Variants in IQCH observed in about 807,000 individuals in gnomAD.
IQCH encodes IQ domain-containing protein H.
In IQCH, 98 loss-of-function variants were observed where a neutral mutation model predicts 117.0. The observed-to-expected ratio is 0.84, with a 90% CI of 0.71 to 0.99. The LOEUF (loss-of-function observed/expected upper bound fraction) is 0.99, where lower values mean the gene tolerates loss of function less well. Among genes scored for constraint, IQCH ranks in the 50% least tolerant of loss-of-function variants. The probability of loss-of-function intolerance (pLI) is 0.00; values close to 1 mark genes in which losing one functional copy is unlikely to be tolerated. For missense variants in IQCH, 1,102 were observed against 1,243.8 expected (o/e 0.89, Z 1.72); for synonymous variants, 412 against 448.2 (o/e 0.92, Z 1.02).
intron 20 of IQCH, among the ~76,000 whole-genome samples, chr15:67,498,087 C>T (rs1399711604): frequency 6.6e-6 from 1 of 152,120 alleles, no homozygotes; most frequent in Non-Finnish European, 1.5e-5. Context: ...AGAAGTCACA[C>T]TTCTCAATTT....
intron 4 of IQCH, chr15:67,281,464 T>C (rs1413509558): frequency 9.4e-6 from 3 of 318,210 alleles, no homozygotes; most frequent in Non-Finnish European, 1.9e-5. Flanking sequence ...AGGTTATGTT[T>C]ATAAATCAGG....
In IQCH at chr15:67,356,727, G is replaced by A. The variant is rs1342679131; in HGVS notation, c.638-618G>A. On this transcript the variant is annotated intron_variant, in intron 6 of 20. Transcript: ENST00000335894. This position sits in a 1 kb window ranked among gnomAD's most constrained non-coding sequence, Gnocchi z 5.3. The stretch of plus-strand genomic sequence containing the variant: ...GTCAGACTTGGGCTTTTGGTAAAGG[G>A]CAGTCAGGTTTGCTGCTAGGCAGTA... 6.6e-6 allele frequency among the ~76,000 whole-genome samples: 1 copy of A among 152,168 alleles called. No homozygotes were observed. The highest frequency in any genetic ancestry group is 6.5e-5 in the Admixed American group (1 of 15,278).
intron 7 of IQCH, among the ~76,000 whole-genome samples, chr15:67,358,207 C>CTTTTCTTTTTTTTT (rs1555462707): frequency 9.6e-5 from 1 of 10,450 alleles, no homozygotes; most frequent in Non-Finnish European, 1.7e-4. Flanking sequence ...ACTTTCTTTT[C>CTTTTCTTTTTTTTT]TTTTTTTTTT....
At chr15:67,373,157 A>G (rs1970612289) in intron 9 of IQCH, among the ~76,000 whole-genome samples, 1 of 152,160 alleles carries the variant, frequency 6.6e-6, no homozygotes, top group Admixed American at 6.6e-5. Flanking sequence ...TATTCTGTTA[A>G]TTAAGTGAGC....
In IQCH at chr15:67,457,982, A is replaced by G. The variant is rs1011212744; in HGVS notation, c.2506-7145A>G. Among the ~76,000 whole-genome samples the G allele has an allele frequency of 6.6e-6, 1 of 152,166 alleles. No individual in the cohort carries two copies. The highest frequency in any genetic ancestry group is 2.4e-5 in the African/African-American group (1 of 41,436). ...CCCTGGGGAAGGCCTCAGGTCCTAT[A>G]GACCTCACTTCTCACCAATCCAGGA... On this transcript the variant is annotated intron_variant, in intron 16 of 20. Transcript: ENST00000335894. The surrounding 1 kb of genome is among the most constrained non-coding windows in gnomAD (Gnocchi z 5.7).
chr15:67,436,001 AT>A lies in IQCH; in HGVS notation c.2505+14425del. Among the ~76,000 whole-genome samples the A allele has an allele frequency of 6.6e-6, 1 of 152,272 alleles. No homozygotes were observed. The highest frequency in any genetic ancestry group is 1.5e-5 in the Non-Finnish European group (1 of 68,024). On this transcript the variant is annotated intron_variant, in intron 16 of 20. Transcript: ENST00000335894. The surrounding 1 kb of genome is among the most constrained non-coding windows in gnomAD (Gnocchi z 5.1). ...TCAGTTTAACTTAATTTTACCTGTAATGTAAATGTTGCGGTGGAAAAGTACA... is the reference window on the plus strand; with the variant it reads ...TCAGTTTAACTTAATTTTACCTGTAAGTAAATGTTGCGGTGGAAAAGTACA...
chr15:67,434,052 A>G (rs2082075464), intron 16 of IQCH, among the ~76,000 whole-genome samples: 1 of 151,078 alleles, frequency 6.6e-6, no homozygotes, highest in Non-Finnish European at 1.5e-5. Context: ...GCTAATTAAC[A>G]TATCCATCAT....
intron 5 of IQCH, among the ~76,000 whole-genome samples, chr15:67,341,647 A>AT (rs919870428): frequency 1.3e-5 from 2 of 152,038 alleles, no homozygotes; most frequent in African/African-American, 4.8e-5. Flanking sequence ...TTAAAGGATG[A>AT]TTTTTTTTAA....
intron 14 of IQCH, among the ~76,000 whole-genome samples, chr15:67,409,584 C>T (rs1488124685): frequency 6.6e-6 from 1 of 152,108 alleles, no homozygotes; most frequent in Non-Finnish European, 1.5e-5. Context: ...ACAGACTCCT[C>T]GAGAAGCAGC....
chr15:67,400,041 C>A, intron 13 of IQCH, 73 bp from the exon 14 acceptor site: 3 of 1,214,378 alleles, frequency 2.5e-6, no homozygotes, highest in Non-Finnish European at 3.6e-6. Context: ...AGTACAGCAA[C>A]TAAGTTGTTA....
At chr15:67,323,157 A>G (rs1968221479) in intron 4 of IQCH, among the ~76,000 whole-genome samples, 1 of 151,538 alleles carries the variant, frequency 6.6e-6, no homozygotes, top group South Asian at 2.1e-4. Flanking sequence ...TCCTGCCACT[A>G]TCACAACTAT....
At position 67,255,128 on chromosome 15, in the gene IQCH, G is replaced by T. The variant is rs183900642; in HGVS notation, c.51+181G>T. 1.2e-3 allele frequency: 799 copies of T among 649,628 alleles called. 12 individuals are homozygous for T. The East Asian group carries it at 0.015, about 13-fold the overall frequency. The allele number at this position is 649,628 out of a possible 1,614,324, so 40.2% of individuals were successfully genotyped here. A position where few individuals can be genotyped will look rare whatever the true frequency, so the allele number is the denominator to read the frequency against. ...TCCCCCACGGCCCAGCACACTCCCGGTGACTTACCCTGTAGGTTACGCCCC... is the reference window on the plus strand; with the variant it reads ...TCCCCCACGGCCCAGCACACTCCCGTTGACTTACCCTGTAGGTTACGCCCC... On this transcript the variant is annotated intron_variant, in intron 1 of 20. Transcript: ENST00000335894.
intron 4 of IQCH, among the ~76,000 whole-genome samples, chr15:67,292,913 T>A (rs1178356399): frequency 6.6e-6 from 1 of 152,188 alleles, no homozygotes; most frequent in African/African-American, 2.4e-5. Flanking sequence ...TGCATCTGAT[T>A]ATTTTATTTC....
At chr15:67,469,265 C>G (rs746490062) in intron 17 of IQCH, among the ~76,000 whole-genome samples, 21 of 152,208 alleles carry the variant, frequency 1.4e-4, no homozygotes, top group Admixed American at 3.9e-4. Flanking sequence ...CTCTTCTGGC[C>G]TCAGTTTCCT....
At chr15:67,263,704 C>T (rs1965551502) in intron 3 of IQCH, among the ~76,000 whole-genome samples, 1 of 151,958 alleles carries the variant, frequency 6.6e-6, no homozygotes, top group Non-Finnish European at 1.5e-5. Flanking sequence ...ACTTTTAGAT[C>T]ACCTGGTACT....
In IQCH at chr15:67,432,542, G is replaced by T. The variant is rs1325944234; in HGVS notation, c.2505+10965G>T. On this transcript the variant is annotated intron_variant, in intron 16 of 20. Transcript: ENST00000335894. This position sits in a 1 kb window ranked among gnomAD's most constrained non-coding sequence, Gnocchi z 5.0. The stretch of plus-strand genomic sequence containing the variant: ...TCTTCCTCACAGTATGTTCTGAGAG[G>T]CTAAGCAGATATAAGGTGATGTTCT... Among the ~76,000 whole-genome samples, 1 of 152,098 alleles carries T rather than the reference G, an allele frequency of 6.6e-6. No homozygotes were observed. The highest frequency in any genetic ancestry group is 2.4e-5 in the African/African-American group (1 of 41,410).
Position 67,385,081 on chromosome 15 carries a change from A to T in IQCH, c.1456+62A>T. The T allele has an allele frequency of 9.6e-7, 1 of 1,042,116 alleles. No homozygotes were observed. The highest frequency in any genetic ancestry group is 1.5e-6 in the Non-Finnish European group (1 of 677,432). The allele number at this position is 1,042,116 out of a possible 1,614,324, so 64.6% of individuals were successfully genotyped here. Reference sequence around the variant, plus strand: ...ATGTTTATCAGTGGATGTTGATAGAATGTGTTGTTTTGTTTGTTTGTTTTT... The same window carrying T: ...ATGTTTATCAGTGGATGTTGATAGATTGTGTTGTTTTGTTTGTTTGTTTTT... On this transcript the variant is annotated intron_variant, in intron 11 of 20. Coordinates refer to ENST00000335894, the MANE Select transcript of IQCH (RefSeq NM_001031715.3). The surrounding 1 kb of genome is among the most constrained non-coding windows in gnomAD (Gnocchi z 4.6).
At chr15:67,298,342 A>T (rs1966873421) in intron 4 of IQCH, among the ~76,000 whole-genome samples, 1 of 151,568 alleles carries the variant, frequency 6.6e-6, no homozygotes, top group South Asian at 2.1e-4. Context: ...GGCATTTCTC[A>T]AAATAAGACA....
Position 67,417,044 on chromosome 15 carries a change from C to A in IQCH, c.2211C>A (p.Leu737=). 1.2e-6 allele frequency: 2 copies of A among 1,607,418 alleles called. No individual in the cohort carries two copies. The highest frequency in any genetic ancestry group is 1.3e-5 in the African/African-American group (1 of 74,642). ...PTWRKFLQTF[L]SQGGVIEAFP... Reference sequence around the variant, plus strand: ...GGAGGAAATTCCTCCAAACATTTCTCAGTCAAGGTAAATAAGACTGTAAAG... The same window carrying A: ...GGAGGAAATTCCTCCAAACATTTCTAAGTCAAGGTAAATAAGACTGTAAAG... Residue 737 remains leucine, a synonymous_variant, in exon 15 of 21, where the codon CTC becomes CTA. Coordinates refer to ENST00000335894, the MANE Select transcript of IQCH (RefSeq NM_001031715.3). The surrounding 1 kb of genome is among the most constrained non-coding windows in gnomAD (Gnocchi z 4.3).
Sources: allele counts gnomAD v4.1 joint callset (sites outside exome capture counted in the v4.1 genomes callset), GRCh38; gene constraint gnomAD v4.1.1; non-coding constraint Gnocchi (gnomAD v3.1); transcripts MANE v1.5; gene names NCBI Gene and HGNC (gene_info 2026-07-23, HGNC 2026-07-21).